Variants in SUMF1 observed in about 807,000 individuals in gnomAD.
SUMF1 encodes the protein sulfatase modifying factor 1.
Under a neutral mutation model 47.6 loss-of-function variants are expected in SUMF1, and 48 were observed. That is an observed-to-expected ratio of 1.01 (90% confidence interval 0.80 to 1.28). The LOEUF is 1.28. Ranked by LOEUF, SUMF1 falls within the 50% of genes most tolerant of loss-of-function variation. The pLI, the probability that SUMF1 is intolerant of heterozygous loss-of-function variation, is 0.00. For missense variants in SUMF1, 571 were observed against 485.4 expected, an observed-to-expected ratio of 1.18 and a Z score of -1.66; for synonymous variants, 230 against 192.1, an observed-to-expected ratio of 1.20 and a Z score of -1.63.
chr3:4,399,253 T>C (rs1415581061), intron 7 of SUMF1, among the ~76,000 whole-genome samples: 1 of 152,162 alleles, frequency 6.6e-6, no homozygotes, highest in Admixed American at 6.5e-5. Context: ...AAGTCAGGAC[T>C]ATATTATACA....
At chr3:4,457,051 C>CGTGTGTGTATATATATATATACGT in intron 1 of SUMF1, among the ~76,000 whole-genome samples, 1 of 65,402 alleles carries the variant, frequency 1.5e-5, no homozygotes, top group African/African-American at 4.7e-5. Context: ...TATATATATA[C>CGTGTGTGTATATATATATATACGT]GTGTGTGTAT....
chr3:4,205,604 T>C (rs1695634128), intron 8 of SUMF1, among the ~76,000 whole-genome samples: 2 of 152,216 alleles, frequency 1.3e-5, no homozygotes, highest in African/African-American at 4.8e-5. Context: ...GTGTTGTAAT[T>C]TAAGTCTTTG....
intron 3 of SUMF1, among the ~76,000 whole-genome samples, chr3:4,446,996 T>A (rs1702802955): frequency 6.6e-6 from 1 of 152,122 alleles, no homozygotes; most frequent in Non-Finnish European, 1.5e-5. Context: ...AGAAGCAGGG[T>A]ACTGGCTACT....
chr3:4,283,056 C>T (rs1271532860), intron 8 of SUMF1, among the ~76,000 whole-genome samples: 4 of 152,112 alleles, frequency 2.6e-5, no homozygotes, highest in Non-Finnish European at 4.4e-5. Flanking sequence ...AGACTGTGGA[C>T]CTGAATGGAA....
intron 8 of SUMF1, among the ~76,000 whole-genome samples, chr3:4,346,129 G>T (rs1699368599): frequency 6.6e-6 from 1 of 152,076 alleles, no homozygotes; most frequent in African/African-American, 2.4e-5. Flanking sequence ...CAAGACAGAA[G>T]ATTAACAAGG....
intron 9 of SUMF1, among the ~76,000 whole-genome samples, chr3:4,039,756 C>T (rs1026758948): frequency 6.6e-6 from 1 of 152,104 alleles, no homozygotes; most frequent in African/African-American, 2.4e-5. Flanking sequence ...TATGGTGACT[C>T]ATACCCATAA....
chr3:4,261,825 G>C (rs1317304529), intron 8 of SUMF1, among the ~76,000 whole-genome samples: 1 of 152,208 alleles, frequency 6.6e-6, no homozygotes, highest in Non-Finnish European at 1.5e-5. Flanking sequence ...TGCCTGCGCT[G>C]CTGGCACCTG....
At chr3:4,063,011 T>C (rs1695300254) in intron 9 of SUMF1, among the ~76,000 whole-genome samples, 2 of 152,100 alleles carry the variant, frequency 1.3e-5, no homozygotes, top group African/African-American at 4.8e-5. Flanking sequence ...TGATAATGAA[T>C]AGTCCTCCCA....
intron 8 of SUMF1, among the ~76,000 whole-genome samples, chr3:4,184,736 C>G (rs997819707): frequency 1.3e-5 from 2 of 148,248 alleles, no homozygotes; most frequent in Admixed American, 6.7e-5. Flanking sequence ...GCAACCTCCG[C>G]CTCCCGGGTT....
chr3:4,179,997 C>A (rs1197139966), intron 8 of SUMF1, among the ~76,000 whole-genome samples: 3 of 152,090 alleles, frequency 2.0e-5, no homozygotes, highest in East Asian at 1.9e-4. Context: ...CAATGAGATA[C>A]CATCTCACAC....
intron 8 of SUMF1, among the ~76,000 whole-genome samples, chr3:4,280,735 C>T (rs902493950): frequency 1.3e-5 from 2 of 152,060 alleles, no homozygotes; most frequent in South Asian, 4.2e-4. Context: ...AGAGAAGAGC[C>T]TGTTCCAGGC....
chr3:4,084,971 C>G lies in SUMF1; in HGVS notation c.1015-16226G>C, dbSNP rs143861812. Among the ~76,000 whole-genome samples, 1,159 of 152,108 alleles carry G rather than the reference C, an allele frequency of 7.6e-3. 12 individuals are homozygous for G. The highest frequency in any genetic ancestry group is 0.026 in the African/African-American group (1,095 of 41,446). ...CAGTGACTACAAGTCAATGAAATATCAGCTTTACAGTATGTGTCTTGATTC... is the reference window on the plus strand; with the variant it reads ...CAGTGACTACAAGTCAATGAAATATGAGCTTTACAGTATGTGTCTTGATTC... On this transcript the variant is annotated intron_variant and NMD_transcript_variant, in intron 8 of 12. Coordinates refer to the SUMF1 transcript ENST00000448413.
At chr3:4,135,389 T>C (rs1262864432) in intron 8 of SUMF1, among the ~76,000 whole-genome samples, 1 of 152,086 alleles carries the variant, frequency 6.6e-6, no homozygotes, top group African/African-American at 2.4e-5. Flanking sequence ...ATTATCTCAA[T>C]AGATGCAGAA....
At chr3:4,165,629 A>T (rs1333894396) in intron 8 of SUMF1, among the ~76,000 whole-genome samples, 17 of 152,120 alleles carry the variant, frequency 1.1e-4, no homozygotes, top group Non-Finnish European at 2.4e-4. Context: ...AGAAAAGGTC[A>T]AGCTGCAGGA....
chr3:4,054,269 T>C (rs1574847310), intron 9 of SUMF1, among the ~76,000 whole-genome samples: 2 of 152,164 alleles, frequency 1.3e-5, no homozygotes, highest in Non-Finnish European at 2.9e-5. Context: ...AAAGCAATCA[T>C]GCCTTCACCA....
At chr3:4,313,741 T>A (rs1698521476) in intron 8 of SUMF1, 1 of 1,613,898 alleles carries the variant, frequency 6.2e-7, no homozygotes. Context: ...GTTCCCCTCC[T>A]GCAAGCGATT....
chr3:4,406,719 A>T (rs1328883007), intron 7 of SUMF1, among the ~76,000 whole-genome samples: 2 of 152,126 alleles, frequency 1.3e-5, no homozygotes. Flanking sequence ...AAAAGAAGCC[A>T]CCTAAATGCA....
chr3:4,159,197 G>A (rs1574936849), intron 8 of SUMF1, among the ~76,000 whole-genome samples: 1 of 150,432 alleles, frequency 6.6e-6, no homozygotes, highest in East Asian at 1.9e-4. Flanking sequence ...CCGTTTGCTG[G>A]TTGTTTTGCA....
chr3:4,196,525 C>G (rs557164970), intron 8 of SUMF1, among the ~76,000 whole-genome samples: 1 of 152,228 alleles, frequency 6.6e-6, no homozygotes, highest in South Asian at 2.1e-4. Flanking sequence ...CATTCCTAGC[C>G]CTGGCACCTC....
Sources: gnomAD v4.1 joint callset for allele counts (sites outside exome capture counted in the v4.1 genomes callset) on GRCh38, gnomAD v4.1.1 for gene constraint, MANE v1.5 for transcripts, NCBI Gene and HGNC (gene_info 2026-07-23, HGNC 2026-07-21) for gene names.